Variants in EBF1 observed in about 807,000 individuals in gnomAD.
The protein encoded by EBF1 is EBF transcription factor 1.
EBF1 carries 10 observed loss-of-function variants against 68.4 expected under a neutral mutation model. That is an observed-to-expected ratio of 0.15 (90% CI 0.09 to 0.25). EBF1 has a LOEUF of 0.25. EBF1 is among the 10% of genes least tolerant of loss of function. The pLI, the probability that EBF1 is intolerant of heterozygous loss-of-function variation, is 1.00. For synonymous variants in EBF1, 298 were observed against 299.8 expected (o/e 0.99, Z 0.06); for missense variants, 509 against 794.4 (o/e 0.64, Z 4.32).
chr5:158,973,701 CAATA>C (rs1756126599), intron 6 of EBF1, among the ~76,000 whole-genome samples: 1 of 152,168 alleles, frequency 6.6e-6, no homozygotes. Context: ...AGAAGGCATG[CAATA>C]AATATTTCTT....
intron 8 of EBF1, among the ~76,000 whole-genome samples, chr5:158,801,271 C>T (rs1780531170): frequency 6.6e-6 from 1 of 152,100 alleles, no homozygotes; most frequent in Admixed American, 6.6e-5. Context: ...CAAATAAAAG[C>T]TCTTCTCCCA....
rs189466676 is a variant in EBF1, at chr5:159,006,384, T to C, written c.554+67012A>G. Among the ~76,000 whole-genome samples, 3 of 152,064 alleles carry C rather than the reference T, an allele frequency of 2.0e-5. No individual in the cohort carries two copies. The East Asian group carries it at 5.8e-4, about 29-fold the overall frequency. On this transcript the variant is annotated intron_variant, in intron 6 of 15. Transcript: ENST00000313708. Reference sequence around the variant, plus strand: ...TTATCCCAGAGTGGTGGCCACTCTGTCCATTTTTACAATCTAATTTTACAA... The same window carrying C: ...TTATCCCAGAGTGGTGGCCACTCTGCCCATTTTTACAATCTAATTTTACAA...
intron 10 of EBF1, among the ~76,000 whole-genome samples, chr5:158,766,824 A>G (rs752130137): frequency 3.9e-5 from 6 of 152,286 alleles, no homozygotes; most frequent in Admixed American, 2.0e-4. Context: ...AAACTATATA[A>G]ACCTATTGTG....
intron 7 of EBF1, among the ~76,000 whole-genome samples, chr5:158,832,462 T>A (rs1275158717): frequency 1.3e-5 from 2 of 152,260 alleles, no homozygotes; most frequent in Non-Finnish European, 2.9e-5. Flanking sequence ...GTATAATTAA[T>A]CAGCATGGAG....
chr5:158,721,492 A>G, intron 11 of EBF1, among the ~76,000 whole-genome samples: 1 of 152,216 alleles, frequency 6.6e-6, no homozygotes, highest in Admixed American at 6.5e-5. Flanking sequence ...ACCACTGAGG[A>G]GCTATGGATA....
At chr5:158,996,392 A>G (rs1016103867) in intron 6 of EBF1, among the ~76,000 whole-genome samples, 4 of 152,172 alleles carry the variant, frequency 2.6e-5, no homozygotes, top group African/African-American at 9.7e-5. Flanking sequence ...CTCACTTTAT[A>G]AGTTAACCAT....
At chr5:158,936,097 T>C (rs1811961020) in intron 6 of EBF1, among the ~76,000 whole-genome samples, 1 of 152,210 alleles carries the variant, frequency 6.6e-6, no homozygotes, top group South Asian at 2.1e-4. Context: ...TATATGTGCA[T>C]GTTCCCTAGG....
chr5:159,026,798 C>T (rs186462791), intron 6 of EBF1, among the ~76,000 whole-genome samples: 4 of 152,234 alleles, frequency 2.6e-5, no homozygotes, highest in Admixed American at 2.0e-4. Context: ...GGACCAATGT[C>T]GCTTTATTTT....
At chr5:158,854,773 TC>T (rs1793659592) in intron 6 of EBF1, among the ~76,000 whole-genome samples, 1 of 152,218 alleles carries the variant, frequency 6.6e-6, no homozygotes, top group South Asian at 2.1e-4. Context: ...ACAAGTTTTT[TC>T]CCTTCCTACA....
chr5:159,095,566 T>C (rs1782446509), intron 4 of EBF1, 54 bp downstream of exon 4: 5 of 1,603,328 alleles, frequency 3.1e-6, no homozygotes, highest in Non-Finnish European at 4.3e-6. Context: ...GCTTCTTGAC[T>C]GCCCTGAATT....
chr5:158,794,812 C>G (rs573222746), intron 9 of EBF1, among the ~76,000 whole-genome samples: 2 of 152,184 alleles, frequency 1.3e-5, no homozygotes, highest in Non-Finnish European at 2.9e-5. Context: ...GGCAGCAAAA[C>G]ATGCCATGAA....
intron 6 of EBF1, among the ~76,000 whole-genome samples, chr5:158,873,251 G>A (rs1797210406): frequency 1.3e-5 from 2 of 152,044 alleles, no homozygotes; most frequent in South Asian, 2.1e-4. Context: ...ACAAAGATAA[G>A]TGAATTGCCC....
At chr5:158,720,638 G>C (rs1429460996) in intron 11 of EBF1, among the ~76,000 whole-genome samples, 1 of 152,070 alleles carries the variant, frequency 6.6e-6, no homozygotes, top group African/African-American at 2.4e-5. Flanking sequence ...ATCATTAGAA[G>C]CCTTTAGTGT....
chr5:158,978,238 T>C (rs1351268527), intron 6 of EBF1, among the ~76,000 whole-genome samples: 1 of 152,196 alleles, frequency 6.6e-6, no homozygotes, highest in Non-Finnish European at 1.5e-5. Context: ...ACCCCCGACA[T>C]GCGGCCGCTG....
intron 6 of EBF1, among the ~76,000 whole-genome samples, chr5:158,856,466 T>C (rs971418343): frequency 2.0e-5 from 3 of 152,344 alleles, no homozygotes; most frequent in Admixed American, 2.0e-4. Flanking sequence ...ACTCTAGTGG[T>C]GTGGTGATTC....
At chr5:158,840,453 C>T (rs915656360) in intron 6 of EBF1, among the ~76,000 whole-genome samples, 6 of 152,220 alleles carry the variant, frequency 3.9e-5, no homozygotes, top group African/African-American at 7.2e-5. Flanking sequence ...TGGTCCCCAA[C>T]GACAACATGC....
intron 6 of EBF1, among the ~76,000 whole-genome samples, chr5:158,996,948 A>AT (rs1761541392): frequency 6.6e-6 from 1 of 152,196 alleles, no homozygotes; most frequent in African/African-American, 2.4e-5. Flanking sequence ...AGTCAGTGGC[A>AT]TAGGGAGGCC....
intron 7 of EBF1, among the ~76,000 whole-genome samples, chr5:158,823,913 A>C (rs1029706711): frequency 6.8e-6 from 1 of 147,296 alleles, no homozygotes. Flanking sequence ...CCTGCTAATT[A>C]AGGGTCTTAG....
chr5:158,867,322 T>A (rs1447746067), intron 6 of EBF1, among the ~76,000 whole-genome samples: 4 of 152,214 alleles, frequency 2.6e-5, no homozygotes, highest in African/African-American at 4.8e-5. Context: ...CAGACCTGAA[T>A]AATCTATATC....
Sources: gnomAD v4.1 joint callset for allele counts (sites outside exome capture counted in the v4.1 genomes callset) on GRCh38, gnomAD v4.1.1 for gene constraint, MANE v1.5 for transcripts, NCBI Gene and HGNC (gene_info 2026-07-23, HGNC 2026-07-21) for gene names.